Variants in CCT2 observed in about 807,000 individuals in gnomAD.
CCT2 encodes chaperonin containing TCP1 subunit 2, also known as T-complex protein 1 subunit beta.
A neutral mutation model predicts 61.8 loss-of-function variants in CCT2; 18 were observed. The ratio of observed to expected loss-of-function variants is 0.29; its 90% confidence interval spans 0.20 to 0.43. The LOEUF is 0.43. Among genes scored for constraint, CCT2 ranks in the 20% least tolerant of loss-of-function variants. The probability of loss-of-function intolerance (pLI) is 1.00; values close to 1 mark genes in which losing one functional copy is unlikely to be tolerated. For synonymous variants in CCT2, 248 were observed against 215.9 expected (o/e 1.15, Z -1.30); for missense variants, 556 against 656.9 (o/e 0.85, Z 1.68).
At chr12:69,592,199 A>G in intron 8 of CCT2, 40 bp downstream of exon 8, 1 of 1,169,162 alleles carries the variant, frequency 8.6e-7, no homozygotes, top group Non-Finnish European at 1.3e-6. Context: ...ATTACTGCCC[A>G]GGCAGAGTGG....
chr12:69,600,798 T>G (rs753203623), intron 15 of CCT2, among the ~76,000 whole-genome samples: 15 of 152,244 alleles, frequency 9.9e-5, no homozygotes, highest in Admixed American at 3.3e-4. Flanking sequence ...TTTCTCAAGC[T>G]TTAGATCCTT....
At chr12:69,585,589 TTCC>T in intron 1 of CCT2, 65 bp downstream of exon 1, 4 of 1,554,922 alleles carry the variant, frequency 2.6e-6, no homozygotes, top group Admixed American at 3.9e-5. Context: ...ACCCCACTGC[TTCC>T]TCTGTCCTGC....
chr12:69,601,077 A>C (rs980223696), intron 15 of CCT2, among the ~76,000 whole-genome samples: 1 of 152,156 alleles, frequency 6.6e-6, no homozygotes, highest in Non-Finnish European at 1.5e-5. Flanking sequence ...CCATTAGTCC[A>C]TGACATAACT....
intron 8 of CCT2, chr12:69,592,451 C>T (rs545700668): frequency 1.1e-4 from 20 of 187,692 alleles, no homozygotes; most frequent in Non-Finnish European, 1.5e-4. Flanking sequence ...CTACTGCACT[C>T]GAGCCTGGGC....
At chr12:69,589,820 A>T in intron 7 of CCT2, 133 bp downstream of exon 7, 1 of 686,258 alleles carries the variant, frequency 1.5e-6, no homozygotes, top group Non-Finnish European at 2.5e-6. Context: ...CATATGTGCA[A>T]CCATTTTTGT....
At position 69,585,809 on chromosome 12, in the gene CCT2, A is replaced by G. The variant is rs1166495381; in HGVS notation, c.3+285A>G. On this transcript the variant is annotated intron_variant, in intron 1 of 15. Transcript: ENST00000299300. ...CCTCACCCGGAGCGAAGAAATTTCT[A>G]GTGTGGGACCCGCTCCGCCCTCCTT... 4.4e-6 allele frequency: 6 copies of G among 1,358,094 alleles called. No homozygotes were observed. The East Asian group carries it at 1.7e-4, about 39-fold the overall frequency. 84.1% of individuals were successfully genotyped at this position (1,358,094 alleles called of 1,614,324 possible). A position where few individuals can be genotyped will look rare whatever the true frequency, so the allele number is the denominator to read the frequency against.
chr12:69,591,929 A>G, intron 7 of CCT2, 130 bp from the exon 8 acceptor site: 1 of 563,306 alleles, frequency 1.8e-6, no homozygotes, highest in Non-Finnish European at 3.2e-6. Context: ...TATGCCTTCT[A>G]AGAGCTTGGT....
rs746714468 is a variant in CCT2 at position 69,592,047 on chromosome 12, T to C, written c.650-12T>C. On this transcript the variant is annotated splice_polypyrimidine_tract_variant and intron_variant, in intron 7 of 15. Transcript: ENST00000299300. ...AGTATTAAATATGATACTGTTCTTA[T>C]ATTTATTGTAGGCTTCCTGTTGGAT... is the stretch of plus-strand genomic sequence containing the variant. 5 of 1,446,268 alleles carry C rather than the reference T, an allele frequency of 3.5e-6. No individual in the cohort carries two copies. The highest frequency in any genetic ancestry group is 4.9e-6 in the Non-Finnish European group (5 of 1,029,310). 89.6% of individuals were successfully genotyped at this position (1,446,268 alleles called of 1,614,324 possible).
chr12:69,600,658 T>TCCCCCCCATAAGTC (rs3837482), intron 15 of CCT2, among the ~76,000 whole-genome samples: 1 of 151,878 alleles, frequency 6.6e-6, no homozygotes, highest in Non-Finnish European at 1.5e-5. Context: ...AGCATCCTAG[T>TCCCCCCCATAAGTC]CCCCCCATAA....
At chr12:69,597,415 C>A in intron 11 of CCT2, 140 bp downstream of exon 11, 2 of 1,175,876 alleles carry the variant, frequency 1.7e-6, no homozygotes, top group Non-Finnish European at 2.4e-6. Flanking sequence ...TTGTTTCAGT[C>A]TCTTGAGTCA....
At position 69,598,106 on chromosome 12, in the gene CCT2, T is replaced by C. The variant is rs1882043852; in HGVS notation, c.1335+35T>C. ...TCAAAATGAGAGATCCGAACTTAAG[T>C]TTTGTGGTTATTGATAGTTTTAAAA... On this transcript the variant is annotated intron_variant, in intron 13 of 15. Transcript: ENST00000299300. 6 of 1,476,970 alleles carry C rather than the reference T, an allele frequency of 4.1e-6. No homozygotes were observed. In the East Asian group the frequency reaches 1.4e-4, roughly 34 times the overall value. 91.5% of individuals were successfully genotyped at this position (1,476,970 alleles called of 1,614,324 possible).
chr12:69,586,136 T>C, intron 1 of CCT2, 134 bp from the exon 2 acceptor site: 1 of 1,120,680 alleles, frequency 8.9e-7, no homozygotes, highest in Non-Finnish European at 1.3e-6. Flanking sequence ...TGATGGAAGC[T>C]TCATTTGATT....
rs1482555777 is a variant in CCT2 at position 69,587,634 on chromosome 12, T to C, written c.256+18T>C. The C allele has an allele frequency of 7.0e-7, 1 of 1,424,976 alleles. No individual in the cohort carries two copies. Among genetic ancestry groups the C allele is most frequent in the Admixed American group, 1.7e-5 (1 of 59,394 alleles). The allele number at this position is 1,424,976 out of a possible 1,614,324, so 88.3% of individuals were successfully genotyped here. ...TTTAGTTGGTAAGTCTGAATATACT[T>C]TTTCACCAACCTAATAATACTGTTT... On this transcript the variant is annotated intron_variant, in intron 4 of 15. Transcript: ENST00000299300.
chr12:69,592,128 C>G lies in CCT2; in HGVS notation c.719C>G (p.Ala240Gly). The part of the protein sequence containing the change: ...KRIENAKILI[A>G]NTGMDTDKIK... Reference sequence around the variant, plus strand: ...ATTGAAAATGCTAAAATTCTTATTGCAAATACTGGTATGGATACAGACAAA... The same window carrying G: ...ATTGAAAATGCTAAAATTCTTATTGGAAATACTGGTATGGATACAGACAAA... Residue 240 changes from alanine to glycine, a missense_variant, in exon 8 of 16, where the codon GCA (alanine) becomes GGA (glycine). This residue lies in a region of CCT2 where 308 missense variants were observed against 350.6 expected (regional missense o/e 0.88). Transcript: ENST00000299300. The G allele has an allele frequency of 6.3e-7, 1 of 1,587,746 alleles. No homozygotes were observed. The highest frequency in any genetic ancestry group is 1.3e-5 in the African/African-American group (1 of 74,478).
rs1288405780 is a variant in CCT2, at chr12:69,592,166, A to G, written c.750+7A>G. On this transcript the variant is annotated splice_region_variant and intron_variant, in intron 8 of 15. Coordinates refer to ENST00000299300, the MANE Select transcript of CCT2 (RefSeq NM_006431.3). ...GGATACAGACAAAATAAAGGTATGT[A>G]ACTCTACTTTTTAAAAATTAAAATT... 1 of 1,463,412 alleles carries G rather than the reference A, an allele frequency of 6.8e-7. No homozygotes were observed. Among genetic ancestry groups the G allele is most frequent in the Non-Finnish European group, 9.5e-7 (1 of 1,048,810 alleles). 90.7% of individuals were successfully genotyped at this position (1,463,412 alleles called of 1,614,324 possible).
chr12:69,598,444 G>T (rs754241777), intron 14 of CCT2, 23 bp downstream of exon 14: 4 of 1,454,222 alleles, frequency 2.8e-6, no homozygotes, highest in Non-Finnish European at 3.7e-6. Context: ...GGGGAACTTT[G>T]TGGCCGTTGT....
chr12:69,598,639 A>G (rs1209331613), intron 14 of CCT2, among the ~76,000 whole-genome samples: 1 of 152,266 alleles, frequency 6.6e-6, no homozygotes, highest in Non-Finnish European at 1.5e-5. Flanking sequence ...AAAACTGGTT[A>G]GAAGATTTGT....
intron 1 of CCT2, 84 bp from the exon 2 acceptor site, chr12:69,586,186 C>A: frequency 8.5e-7 from 1 of 1,172,200 alleles, no homozygotes; most frequent in Non-Finnish European, 1.3e-6. Flanking sequence ...TAGATGTCCA[C>A]TTGTAAGACT....
At chr12:69,593,438 A>G (rs1193833898) in intron 9 of CCT2, 72 bp from the exon 10 acceptor site, 40 of 967,490 alleles carry the variant, frequency 4.1e-5, no homozygotes, top group Non-Finnish European at 6.0e-5. Context: ...AAATGTTTAC[A>G]TGTTTTTTAG....
Sources: gnomAD v4.1 joint callset for allele counts (sites outside exome capture counted in the v4.1 genomes callset) on GRCh38, gnomAD v4.1.1 for gene constraint, gnomAD v4.1.1 regional missense constraint, MANE v1.5 for transcripts, NCBI Gene and HGNC (gene_info 2026-07-23, HGNC 2026-07-21) for gene names.